The following ZNF462 variants were observed in gnomAD, a reference collection of about 807,000 sequenced individuals.
The protein encoded by ZNF462 is zinc finger PBX1-interacting protein.
ZNF462 carries 10 observed loss-of-function variants against 201.9 expected under a neutral mutation model. The observed-to-expected ratio is 0.05, with a 90% CI of 0.03 to 0.08. ZNF462 has a LOEUF of 0.08. ZNF462 is among the 10% of genes least tolerant of loss of function. The pLI is 1.00. For missense variants in ZNF462, 2,523 were observed against 3,168.3 expected (o/e 0.80, Z 4.89); for synonymous variants, 1,227 against 1,193.3 (o/e 1.03, Z -0.58).
In ZNF462 at chr9:106,929,890, C is replaced by A; in HGVS notation, c.5847+131C>A. ...TAGCTTGCCAGAGAGCTCAATAAGTCAATTAAACATTTCGAGCTTGATTAT... is the reference window on the plus strand; with the variant it reads ...TAGCTTGCCAGAGAGCTCAATAAGTAAATTAAACATTTCGAGCTTGATTAT... On this transcript the variant is annotated intron_variant, in intron 3 of 12. Coordinates refer to ENST00000277225, the MANE Select transcript of ZNF462 (RefSeq NM_021224.6). The surrounding 1 kb of genome is among the most constrained non-coding windows in gnomAD (Gnocchi z 8.7). 1 of 780,358 alleles carries A rather than the reference C, an allele frequency of 1.3e-6. No individual in the cohort carries two copies. 48.3% of individuals were successfully genotyped at this position (780,358 alleles called of 1,614,324 possible).
At chr9:106,897,154 T>A (rs1248853472) in intron 1 of ZNF462, among the ~76,000 whole-genome samples, 1 of 152,218 alleles carries the variant, frequency 6.6e-6, no homozygotes, top group Non-Finnish European at 1.5e-5. Context: ...TCAACCTCCC[T>A]TTCAGAGAAA....
In ZNF462 at chr9:106,972,292, G is replaced by C; in HGVS notation, c.6695+20G>C. On this transcript the variant is annotated intron_variant, in intron 8 of 12. Transcript: ENST00000277225. This position sits in a 1 kb window ranked among gnomAD's most constrained non-coding sequence, Gnocchi z 4.8. Reference sequence around the variant, plus strand: ...CTTTAAGTAAGTGACGTAATGAACAGCTATGGAAAACAAGGCGGCCGCCCC... The same window carrying C: ...CTTTAAGTAAGTGACGTAATGAACACCTATGGAAAACAAGGCGGCCGCCCC... 1 of 1,605,908 alleles carries C rather than the reference G, an allele frequency of 6.2e-7. No individual in the cohort carries two copies.
Position 106,935,739 on chromosome 9 carries a change from G to A in ZNF462, c.6235+118G>A. 1.4e-6 allele frequency: 1 copy of A among 723,714 alleles called. No individual in the cohort carries two copies. Among genetic ancestry groups the A allele is most frequent in the Non-Finnish European group, 2.2e-6 (1 of 459,136 alleles). The allele number at this position is 723,714 out of a possible 1,614,324, so 44.8% of individuals were successfully genotyped here. On this transcript the variant is annotated intron_variant, in intron 6 of 12. Transcript: ENST00000277225. This position sits in a 1 kb window ranked among gnomAD's most constrained non-coding sequence, Gnocchi z 4.1. ...CACTTGAGAATGTTATTCTTGGGAT[G>A]GATGTATATTCAGTTTTATTTTTAC...
rs1830016478 is a variant in ZNF462 at position 107,013,106 on chromosome 9, A to C, written c.*2076A>C. The C allele has an allele frequency of 6.7e-6, 1 of 149,970 alleles. No homozygotes were observed. The highest frequency in any genetic ancestry group is 2.5e-5 in the African/African-American group (1 of 39,426). 9.3% of individuals were successfully genotyped at this position (149,970 alleles called of 1,614,324 possible). On this transcript the variant is annotated 3_prime_UTR_variant, in exon 13 of 13. Coordinates refer to ENST00000277225, the MANE Select transcript of ZNF462 (RefSeq NM_021224.6). ...AATGGTTACCAAAAAACAAACAAAA[A>C]AAGAAAGAAAAAGGAAAAAAAAAAA...
intron 1 of ZNF462, among the ~76,000 whole-genome samples, chr9:106,901,508 G>A (rs1236622629): frequency 6.6e-6 from 1 of 152,166 alleles, no homozygotes; most frequent in Non-Finnish European, 1.5e-5. Context: ...GCTTTTGGCA[G>A]TATGGTCATT....
At position 106,908,941 on chromosome 9, in the gene ZNF462, A is replaced by AT. The variant is rs1163695505; in HGVS notation, c.-30-14374dup. On this transcript the variant is annotated intron_variant, in intron 1 of 12. Transcript: ENST00000277225. ...TATATATATATATATATATATATAT[A>AT]TTTTTTTTTTTTTTTTTTTTTTTTT... 1.2e-4 allele frequency among the ~76,000 whole-genome samples: 3 copies of AT among 25,350 alleles called. 1 individual carries two copies. Among genetic ancestry groups the AT allele is most frequent in the Non-Finnish European group, 2.0e-4 (3 of 15,292 alleles). The allele number at this position is 25,350 out of a possible 152,430, so 16.6% of individuals were successfully genotyped here.
At chr9:106,951,638 A>T (rs1214615073) in intron 7 of ZNF462, among the ~76,000 whole-genome samples, 3 of 152,158 alleles carry the variant, frequency 2.0e-5, no homozygotes, top group African/African-American at 7.2e-5. Context: ...GCCCAGGCAG[A>T]GCAGCTTTCA....
chr9:106,974,681 A>G lies in ZNF462; in HGVS notation c.6832+408A>G, dbSNP rs549975468. 3.9e-6 allele frequency: 1 copy of G among 257,626 alleles called. No homozygotes were observed. The highest frequency in any genetic ancestry group is 2.2e-5 in the African/African-American group (1 of 45,894). 16.0% of individuals were successfully genotyped at this position (257,626 alleles called of 1,614,324 possible). A position where few individuals can be genotyped will look rare whatever the true frequency, so the allele number is the denominator to read the frequency against. ...GAGAGATTCTTTCAAGAAGACCAAA[A>G]TGATTTCCAAAGCAGAACATGGAAC... On this transcript the variant is annotated intron_variant, in intron 9 of 12. Coordinates refer to ENST00000277225, the MANE Select transcript of ZNF462 (RefSeq NM_021224.6). This position sits in a 1 kb window ranked among gnomAD's most constrained non-coding sequence, Gnocchi z 4.0.
At chr9:106,994,231 C>T (rs1482303107) in intron 10 of ZNF462, among the ~76,000 whole-genome samples, 1 of 152,076 alleles carries the variant, frequency 6.6e-6, no homozygotes, top group African/African-American at 2.4e-5. Flanking sequence ...CAGTTGAACT[C>T]TTAAGAAACT....
chr9:106,917,890 A>G lies in ZNF462; in HGVS notation c.-30-5464A>G, dbSNP rs530681893. Among the ~76,000 whole-genome samples, 1 of 147,528 alleles carries G rather than the reference A, an allele frequency of 6.8e-6. No homozygotes were observed. Among genetic ancestry groups the G allele is most frequent in the East Asian group, 2.0e-4 (1 of 4,996 alleles). On this transcript the variant is annotated intron_variant, in intron 1 of 12. Coordinates refer to ENST00000277225, the MANE Select transcript of ZNF462 (RefSeq NM_021224.6). This position sits in a 1 kb window ranked among gnomAD's most constrained non-coding sequence, Gnocchi z 4.5. ...TATTTATTTATTTATTTATTTATTT[A>G]TTTTGTGACAGAGTCTCACTCTGCC...
rs1014623280 is a variant in ZNF462 at position 106,917,769 on chromosome 9, C to T, written c.-30-5585C>T. ...GGTGAGCCAGAATCTGTAGTAGTAC[C>T]AAATGCTATGGGATTGTTGGAGGTA... On this transcript the variant is annotated intron_variant, in intron 1 of 12. Transcript: ENST00000277225. This position sits in a 1 kb window ranked among gnomAD's most constrained non-coding sequence, Gnocchi z 4.5. 6.6e-6 allele frequency among the ~76,000 whole-genome samples: 1 copy of T among 152,062 alleles called. No individual in the cohort carries two copies. Among genetic ancestry groups the T allele is most frequent in the Admixed American group, 6.6e-5 (1 of 15,256 alleles).
At position 106,928,047 on chromosome 9, in the gene ZNF462, G is replaced by A. The variant is rs762153588; in HGVS notation, c.4135G>A (p.Val1379Ile). The change falls in exon 3 of 13, where the codon GTT becomes ATT. Residue 1379 changes from valine (V) to isoleucine (I), a missense_variant. Around this residue, in one of 15 missense-constraint regions of ZNF462, gnomAD observed 165 missense variants for 142.6 expected, o/e 1.16. Transcript: ENST00000277225. This position sits in a 1 kb window ranked among gnomAD's most constrained non-coding sequence, Gnocchi z 9.3. Reference protein sequence around the residue: ...YRCRDCVFEAVSIWDITNHYQ... With the variant: ...YRCRDCVFEAISIWDITNHYQ... ...ATGCAGGGACTGTGTTTTCGAAGCT[G>A]TTTCCATCTGGGACATCACTAATCA... The A allele has an allele frequency of 1.8e-5, 29 of 1,614,050 alleles. No individual in the cohort carries two copies. The Admixed American group carries it at 4.8e-4, about 27-fold the overall frequency.
chr9:106,957,210 G>A (rs556674522), intron 7 of ZNF462, among the ~76,000 whole-genome samples: 1 of 152,030 alleles, frequency 6.6e-6, no homozygotes, highest in Non-Finnish European at 1.5e-5. Flanking sequence ...ATTCTACTAG[G>A]GTTAGTCATT....
At position 106,883,038 on chromosome 9, in the gene ZNF462, T is replaced by C. The variant is rs1235952371; in HGVS notation, c.-31+19683T>C. 6.6e-6 allele frequency among the ~76,000 whole-genome samples: 1 copy of C among 152,212 alleles called. No individual in the cohort carries two copies. The highest frequency in any genetic ancestry group is 1.5e-5 in the Non-Finnish European group (1 of 68,034). ...AAAACATCCTTCTTCACCTTTGACT[T>C]TAGTTCTTGAACATTTCAATGGAAT... On this transcript the variant is annotated intron_variant, in intron 1 of 12. Coordinates refer to ENST00000277225, the MANE Select transcript of ZNF462 (RefSeq NM_021224.6). The surrounding 1 kb of genome is among the most constrained non-coding windows in gnomAD (Gnocchi z 4.9).
At chr9:106,964,103 G>C (rs781105393) in intron 7 of ZNF462, among the ~76,000 whole-genome samples, 2 of 151,434 alleles carry the variant, frequency 1.3e-5, no homozygotes, top group Non-Finnish European at 2.9e-5. Context: ...TCTACCTCCT[G>C]GCTATTGTAA....
intron 1 of ZNF462, among the ~76,000 whole-genome samples, chr9:106,910,089 T>C (rs1337687832): frequency 1.3e-5 from 2 of 152,184 alleles, no homozygotes; most frequent in African/African-American, 2.4e-5. Context: ...TCATCAACAT[T>C]GTTTTTGATT....
intron 7 of ZNF462, among the ~76,000 whole-genome samples, chr9:106,956,091 T>A (rs1278893424): frequency 6.6e-6 from 1 of 152,126 alleles, no homozygotes; most frequent in Non-Finnish European, 1.5e-5. Context: ...TTTCGAAAAG[T>A]GTTTTATTTT....
At chr9:106,949,200 A>C (rs559070771) in intron 7 of ZNF462, among the ~76,000 whole-genome samples, 1 of 152,202 alleles carries the variant, frequency 6.6e-6, no homozygotes, top group Non-Finnish European at 1.5e-5. Context: ...AAATATTCTT[A>C]TAATTATTAG....
At chr9:106,912,245 C>CTGA (rs1829581987) in intron 1 of ZNF462, among the ~76,000 whole-genome samples, 3 of 131,570 alleles carry the variant, frequency 2.3e-5, no homozygotes, top group African/African-American at 9.2e-5. Flanking sequence ...TAACATTGTT[C>CTGA]CGACTCCATG....
Sources: gnomAD v4.1 joint callset for allele counts (sites outside exome capture counted in the v4.1 genomes callset) on GRCh38, gnomAD v4.1.1 for gene constraint, gnomAD v4.1.1 regional missense constraint, Gnocchi (gnomAD v3.1) non-coding constraint, MANE v1.5 for transcripts, NCBI Gene and HGNC (gene_info 2026-07-23, HGNC 2026-07-21) for gene names.